Variants in CTBP1 observed in about 807,000 individuals in gnomAD.
The protein encoded by CTBP1 is C-terminal binding protein 1.
A neutral mutation model predicts 42.1 loss-of-function variants in CTBP1; 11 were observed. That is an observed-to-expected ratio of 0.26 (90% CI 0.16 to 0.43). The LOEUF is 0.43. CTBP1 is among the 20% of genes least tolerant of loss of function. The pLI, the probability that CTBP1 is intolerant of heterozygous loss-of-function variation, is 1.00. For synonymous variants in CTBP1, 324 were observed against 277.1 expected, an observed-to-expected ratio of 1.17 and a Z score of -1.68; for missense variants, 399 against 624.3, an observed-to-expected ratio of 0.64 and a Z score of 3.85.
intron 6 of CTBP1, 77 bp from the exon 7 acceptor site, chr4:1,214,550 G>C (rs567281071): frequency 6.8e-7 from 1 of 1,478,076 alleles, no homozygotes; most frequent in Non-Finnish European, 8.9e-7. Context: ...AGGTGGTCAC[G>C]CACGCCGTTG....
In CTBP1 at chr4:1,233,706, G is replaced by A. The variant is rs537999683; in HGVS notation, c.162+4477C>T. Among the ~76,000 whole-genome samples, 5 of 152,252 alleles carry A rather than the reference G, an allele frequency of 3.3e-5. No homozygotes were observed. The highest frequency in any genetic ancestry group is 7.4e-5 in the Non-Finnish European group (5 of 68,022). On this transcript the variant is annotated intron_variant, in intron 3 of 9. Coordinates refer to ENST00000382952, the MANE Select transcript of CTBP1 (RefSeq NM_001012614.2). This position sits in a 1 kb window ranked among gnomAD's most constrained non-coding sequence, Gnocchi z 4.6. ...CAGTCCTGAACCTGAACACTGGGGC[G>A]CCTCCCAGGCCCCGACATTCTTCCC...
intron 2 of CTBP1, among the ~76,000 whole-genome samples, chr4:1,240,345 T>C (rs1425904432): frequency 1.5e-5 from 1 of 65,706 alleles, no homozygotes; most frequent in East Asian, 4.6e-4. Flanking sequence ...CGGAACCGCG[T>C]GGGGGACTCC....
At chr4:1,242,462 T>C (rs898392265) in intron 1 of CTBP1, 31 of 984,952 alleles carry the variant, frequency 3.1e-5, no homozygotes, top group Non-Finnish European at 3.5e-5. Context: ...CCTAAGACCC[T>C]GGTAGTGTGC....
intron 1 of CTBP1, chr4:1,242,669 C>T: frequency 1.0e-6 from 1 of 985,442 alleles, no homozygotes; most frequent in African/African-American, 1.7e-5. Flanking sequence ...TGTGGGACTC[C>T]CTGACGGAGG....
intron 2 of CTBP1, among the ~76,000 whole-genome samples, chr4:1,239,880 G>A (rs190141679): frequency 7.9e-5 from 12 of 152,340 alleles, no homozygotes; most frequent in Non-Finnish European, 1.5e-4. Context: ...CCCTCTGGAC[G>A]GGAGCTGCCC....
chr4:1,214,494 C>A (rs370028822), intron 6 of CTBP1, 21 bp from the exon 7 acceptor site: 44 of 1,555,828 alleles, frequency 2.8e-5, no homozygotes, highest in South Asian at 3.7e-5. Context: ...TAAGGACAGG[C>A]CAGGCCCAGT....
At position 1,211,923 on chromosome 4, in the gene CTBP1, TTTTC is replaced by T. The variant is rs2108693614; in HGVS notation, c.*313_*316del. Reference sequence around the variant, plus strand: ...ATTGACTTCCAAATGCTCCTTCAGGTTTTCTTTTTGTTGACAGCTAAGCAAACAG... The same window carrying T: ...ATTGACTTCCAAATGCTCCTTCAGGTTTTTTGTTGACAGCTAAGCAAACAG... On this transcript the variant is annotated 3_prime_UTR_variant, in exon 10 of 10. Transcript: ENST00000382952. 4.1e-6 allele frequency: 1 copy of T among 245,278 alleles called. No individual in the cohort carries two copies. The highest frequency in any genetic ancestry group is 1.8e-4 in the South Asian group (1 of 5,632). The allele number at this position is 245,278 out of a possible 1,614,324, so 15.2% of individuals were successfully genotyped here. A position where few individuals can be genotyped will look rare whatever the true frequency, so the allele number is the denominator to read the frequency against.
chr4:1,229,279 G>A (rs1203925261), intron 3 of CTBP1, among the ~76,000 whole-genome samples: 1 of 152,168 alleles, frequency 6.6e-6, no homozygotes, highest in African/African-American at 2.4e-5. Flanking sequence ...CACCACCTGC[G>A]CATCCACCCA....
At chr4:1,239,911 GC>G (rs1731981806) in intron 2 of CTBP1, among the ~76,000 whole-genome samples, 1 of 152,226 alleles carries the variant, frequency 6.6e-6, no homozygotes, top group Non-Finnish European at 1.5e-5. Context: ...TAGACAGGCC[GC>G]CCAGTGACAC....
rs888488723 is a variant in CTBP1, at chr4:1,212,055, G to C, written c.*185C>G. 10 of 440,250 alleles carry C rather than the reference G, an allele frequency of 2.3e-5. No homozygotes were observed. The highest frequency in any genetic ancestry group is 3.2e-5 in the Non-Finnish European group (8 of 252,170). 27.3% of individuals were successfully genotyped at this position (440,250 alleles called of 1,614,324 possible). On this transcript the variant is annotated 3_prime_UTR_variant, in exon 10 of 10. Transcript: ENST00000382952. ...CGAGGAACGCGAAGGACACAGGGCA[G>C]AGCGCCCACAGGACGGACGACGACA...
At chr4:1,245,331 C>CG (rs1268501451) in intron 1 of CTBP1, 1 of 985,324 alleles carries the variant, frequency 1.0e-6, no homozygotes, top group Non-Finnish European at 1.2e-6. Context: ...GTTTGTTCAG[C>CG]GAGCACATGC....
At chr4:1,214,590 G>A (rs1225873345) in intron 6 of CTBP1, 117 bp from the exon 7 acceptor site, 2 of 1,315,638 alleles carry the variant, frequency 1.5e-6, no homozygotes, top group African/African-American at 3.1e-5. Context: ...CCCCTTCCCA[G>A]CCCCACCCTG....
chr4:1,242,535 G>A (rs532554984), intron 1 of CTBP1: 11 of 984,988 alleles, frequency 1.1e-5, no homozygotes, highest in Non-Finnish European at 1.3e-5. Context: ...TCCCTCTGCA[G>A]GATTCAAGCA....
chr4:1,241,817 G>C, intron 1 of CTBP1: 1 of 1,171,976 alleles, frequency 8.5e-7, no homozygotes, highest in South Asian at 1.7e-5. Flanking sequence ...ACAGGCTCTA[G>C]CCGCATCCAG....
In CTBP1 at chr4:1,238,216, G is replaced by A. The variant is rs764695644; in HGVS notation, c.129C>T (p.Cys43=). The A allele has an allele frequency of 1.1e-5, 17 of 1,612,772 alleles. No homozygotes were observed. Among genetic ancestry groups the A allele is most frequent in the East Asian group, 2.2e-5 (1 of 44,880 alleles). ...ILKDVATVAF[C]DAQSTQEIHE... ...GGATCTCCTGCGTGGACTGCGCGTC[G>A]CAGAAGGCCACAGTGGCCACGTCCT... is the stretch of plus-strand genomic sequence containing the variant. Residue 43 remains cysteine, a synonymous_variant, in exon 3 of 10, where the codon TGC becomes TGT. Coordinates refer to ENST00000382952, the MANE Select transcript of CTBP1 (RefSeq NM_001012614.2). The surrounding 1 kb of genome is among the most constrained non-coding windows in gnomAD (Gnocchi z 5.9).
At chr4:1,213,943 G>A (rs546018683) in intron 7 of CTBP1, 1 of 411,462 alleles carries the variant, frequency 2.4e-6, no homozygotes, top group South Asian at 3.9e-5. Context: ...CCCCTGTGGG[G>A]GTGTCTCCTC....
rs1577058996 is a variant in CTBP1 at position 1,233,560 on chromosome 4, G to C, written c.162+4623C>G. 6.6e-6 allele frequency among the ~76,000 whole-genome samples: 1 copy of C among 152,176 alleles called. No homozygotes were observed. Among genetic ancestry groups the C allele is most frequent in the Admixed American group, 6.5e-5 (1 of 15,284 alleles). ...TTTTTCTTGCTCAGCAGTTTGATCA[G>C]ATGTGCAGTGCTGGGCTGAAAACCC... On this transcript the variant is annotated intron_variant, in intron 3 of 9. Transcript: ENST00000382952. This position sits in a 1 kb window ranked among gnomAD's most constrained non-coding sequence, Gnocchi z 4.6.
intron 1 of CTBP1, chr4:1,245,205 G>A (rs1199592446): frequency 2.0e-6 from 2 of 985,456 alleles, no homozygotes; most frequent in Non-Finnish European, 2.4e-6. Flanking sequence ...CGCACTCCAC[G>A]GGGCCTGCAG....
At chr4:1,248,261 G>T (rs1440504041) in intron 1 of CTBP1, among the ~76,000 whole-genome samples, 1 of 151,878 alleles carries the variant, frequency 6.6e-6, no homozygotes, top group Admixed American at 6.6e-5. Flanking sequence ...CCGGGACCTC[G>T]CGGAGTTCGC....
Sources: allele counts gnomAD v4.1 joint callset (sites outside exome capture counted in the v4.1 genomes callset), GRCh38; gene constraint gnomAD v4.1.1; non-coding constraint Gnocchi (gnomAD v3.1); transcripts MANE v1.5; gene names NCBI Gene and HGNC (gene_info 2026-07-23, HGNC 2026-07-21).